The following FMN1 variants were observed in gnomAD, a reference collection of about 807,000 sequenced individuals.
FMN1 encodes formin 1, also known as formin-1.
In FMN1, 110 loss-of-function variants were observed where a neutral mutation model predicts 132.4. The observed-to-expected ratio is 0.83, with a 90% CI of 0.71 to 0.97. The LOEUF is 0.97. Ranked by LOEUF, FMN1 falls within the 50% of genes least tolerant of loss-of-function variation. FMN1 has a pLI of 0.00. For missense variants in FMN1, 1,792 were observed against 1,705.3 expected, an observed-to-expected ratio of 1.05 and a Z score of -0.90; for synonymous variants, 722 against 651.7, an observed-to-expected ratio of 1.11 and a Z score of -1.64.
At chr15:33,042,855 G>A (rs139910208) in intron 6 of FMN1, among the ~76,000 whole-genome samples, 2 of 151,914 alleles carry the variant, frequency 1.3e-5, no homozygotes, top group Non-Finnish European at 2.9e-5. Flanking sequence ...GCCAGTAGCT[G>A]CTGAAGCCTA....
chr15:32,791,706 G>C (rs2057085227), intron 19 of FMN1, among the ~76,000 whole-genome samples: 1 of 152,154 alleles, frequency 6.6e-6, no homozygotes, highest in Non-Finnish European at 1.5e-5. Flanking sequence ...ACTATAAAGA[G>C]TCAGAAATAG....
intron 16 of FMN1, among the ~76,000 whole-genome samples, chr15:32,871,101 C>T (rs1045901649): frequency 5.3e-5 from 8 of 152,120 alleles, no homozygotes; most frequent in Admixed American, 2.0e-4. Flanking sequence ...ATGGAGGTAC[C>T]GGGCCTCTGA....
intron 4 of FMN1, among the ~76,000 whole-genome samples, chr15:33,111,546 G>A (rs575914241): frequency 9.9e-5 from 15 of 152,126 alleles, no homozygotes; most frequent in Non-Finnish European, 1.9e-4. Flanking sequence ...GTAGCATTAC[G>A]CATAATAGCC....
chr15:32,857,925 T>C (rs1295492422), intron 16 of FMN1, among the ~76,000 whole-genome samples: 4 of 152,208 alleles, frequency 2.6e-5, no homozygotes, highest in African/African-American at 7.2e-5. Flanking sequence ...AGTTACAGCA[T>C]GCACTGGGAA....
intron 4 of FMN1, among the ~76,000 whole-genome samples, chr15:33,114,294 CTAAAGTATAGCATCCTAAAAG>C (rs1196288286): frequency 1.3e-5 from 2 of 152,188 alleles, no homozygotes; most frequent in Non-Finnish European, 2.9e-5. Context: ...GCTCAGGACT[CTAAAGTATAGCATCCTAAAAG>C]CCTAACTTCT....
chr15:33,125,476 TACAAATTAGTTATGTCTGGTCTTCA>T (rs1566938075), intron 4 of FMN1, among the ~76,000 whole-genome samples: 41 of 152,272 alleles, frequency 2.7e-4, no homozygotes, highest in African/African-American at 9.9e-4. Context: ...AATGGGGTTA[TACAAATTAGTTATGTCTGGTCTTCA>T]AATGAACCCT....
intron 4 of FMN1, among the ~76,000 whole-genome samples, chr15:33,121,003 T>C (rs1962500193): frequency 6.6e-6 from 1 of 152,158 alleles, no homozygotes. Flanking sequence ...GAGGTTTTAG[T>C]CTTAATTATA....
intron 5 of FMN1, among the ~76,000 whole-genome samples, chr15:33,084,498 C>G (rs533046608): frequency 6.6e-4 from 101 of 152,028 alleles, no homozygotes; most frequent in Non-Finnish European, 1.3e-3. Flanking sequence ...GGCTACAGTT[C>G]CAAGTAGATC....
At chr15:32,989,999 G>A (rs550061288) in intron 7 of FMN1, among the ~76,000 whole-genome samples, 2 of 152,270 alleles carry the variant, frequency 1.3e-5, no homozygotes, top group African/African-American at 4.8e-5. Flanking sequence ...GAGACAAGTA[G>A]ATGAAAATAA....
chr15:33,138,681 G>C (rs1271720028), intron 4 of FMN1, among the ~76,000 whole-genome samples: 2 of 152,124 alleles, frequency 1.3e-5, no homozygotes, highest in Non-Finnish European at 2.9e-5. Flanking sequence ...CTAAAACACA[G>C]GGTTCTTCTA....
intron 7 of FMN1, among the ~76,000 whole-genome samples, chr15:32,994,195 G>C (rs898354300): frequency 5.3e-5 from 7 of 132,550 alleles, no homozygotes; most frequent in Non-Finnish European, 1.2e-4. Context: ...GCAATAAATT[G>C]TTGAATAGAA....
chr15:32,794,871 TA>T (rs763165971), intron 19 of FMN1, among the ~76,000 whole-genome samples: 1 of 152,186 alleles, frequency 6.6e-6, no homozygotes, highest in Non-Finnish European at 1.5e-5. Flanking sequence ...ACGTTTTGTG[TA>T]CATGCTCCAT....
At chr15:33,077,520 T>TCCACAATCCCCC (rs1566894986) in intron 5 of FMN1, among the ~76,000 whole-genome samples, 5 of 151,196 alleles carry the variant, frequency 3.3e-5, no homozygotes. Flanking sequence ...CCCCTTCCCC[T>TCCACAATCCCCC]GACTCCACAA....
At chr15:32,856,398 C>T (rs558335617) in intron 17 of FMN1, among the ~76,000 whole-genome samples, 109 of 152,282 alleles carry the variant, frequency 7.2e-4, no homozygotes, top group Non-Finnish European at 1.2e-3. Flanking sequence ...AACAGAAGTT[C>T]CCTACTCATG....
chr15:32,911,100 T>C (rs1367365249), intron 10 of FMN1, among the ~76,000 whole-genome samples: 2 of 152,212 alleles, frequency 1.3e-5, no homozygotes, highest in Non-Finnish European at 2.9e-5. Flanking sequence ...CATGAGCCAG[T>C]CTTCAGGCAG....
chr15:32,948,029 A>G (rs1376588869), intron 9 of FMN1, among the ~76,000 whole-genome samples: 1 of 152,038 alleles, frequency 6.6e-6, no homozygotes, highest in Admixed American at 6.6e-5. Flanking sequence ...TCTCAAAAAG[A>G]AAGCTTTCAA....
chr15:32,838,296 A>T (rs560610404), intron 17 of FMN1, among the ~76,000 whole-genome samples: 130 of 152,256 alleles, frequency 8.5e-4, no homozygotes, highest in African/African-American at 2.7e-3. Context: ...AAAATCGGAG[A>T]GGTGAGGCCA....
intron 17 of FMN1, among the ~76,000 whole-genome samples, chr15:32,809,884 T>C (rs2057813021): frequency 1.3e-5 from 2 of 152,246 alleles, no homozygotes; most frequent in African/African-American, 4.8e-5. Context: ...TTCAGAGTTT[T>C]TCTCTCAACT....
At chr15:32,918,056 T>C (rs1378209857) in intron 10 of FMN1, among the ~76,000 whole-genome samples, 1 of 152,110 alleles carries the variant, frequency 6.6e-6, no homozygotes, top group East Asian at 1.9e-4. Context: ...TATTTGCAGT[T>C]CTTCAAAAAT....
Sources: gnomAD v4.1 joint callset for allele counts (sites outside exome capture counted in the v4.1 genomes callset) on GRCh38, gnomAD v4.1.1 for gene constraint, MANE v1.5 for transcripts, NCBI Gene and HGNC (gene_info 2026-07-23, HGNC 2026-07-21) for gene names.